The following NEBL variants were observed in gnomAD, a reference collection of about 807,000 sequenced individuals.
The protein encoded by NEBL is nebulette, also known as LIM and SH3 protein 2.
NEBL carries 122 observed loss-of-function variants against 140.2 expected under a neutral mutation model. The ratio of observed to expected loss-of-function variants is 0.87; its 90% confidence interval spans 0.75 to 1.01. The LOEUF (loss-of-function observed/expected upper bound fraction) is 1.01. NEBL is among the 50% of genes least tolerant of loss of function. The probability of loss-of-function intolerance (pLI) is 0.00; values close to 1 mark genes in which losing one functional copy is unlikely to be tolerated. For synonymous variants in NEBL, 436 were observed against 398.9 expected, an observed-to-expected ratio of 1.09 and a Z score of -1.11; for missense variants, 1,365 against 1,231.3, an observed-to-expected ratio of 1.11 and a Z score of -1.62.
intron 3 of NEBL, among the ~76,000 whole-genome samples, chr10:20,999,585 T>TGA (rs1427810588): frequency 1.3e-5 from 2 of 151,966 alleles, no homozygotes; most frequent in African/African-American, 4.8e-5. Flanking sequence ...GGCAACAGAG[T>TGA]GAGACCCTGT....
chr10:21,236,288 T>C (rs1842347694), intron 3 of NEBL, among the ~76,000 whole-genome samples: 1 of 152,128 alleles, frequency 6.6e-6, no homozygotes, highest in African/African-American at 2.4e-5. Context: ...TGTTGCTTCC[T>C]CATGTTTTGT....
chr10:20,845,581 G>C (rs1390744969), intron 11 of NEBL: 6 of 489,130 alleles, frequency 1.2e-5, no homozygotes, highest in African/African-American at 1.2e-4. Flanking sequence ...CTCTTCCTCT[G>C]GTAAATCATT....
At position 20,798,729 on chromosome 10, in the gene NEBL, C is replaced by T. The variant is rs190836398; in HGVS notation, c.2761+9781G>A. 1.6e-4 allele frequency among the ~76,000 whole-genome samples: 24 copies of T among 152,292 alleles called. No homozygotes were observed. In the East Asian group the frequency reaches 4.4e-3, roughly 28 times the overall value. ...CTCTTTCTCCAAATCAACTCAGCCTCACAGGAAATGTATTTTTAATGTTGT... is the reference window on the plus strand; with the variant it reads ...CTCTTTCTCCAAATCAACTCAGCCTTACAGGAAATGTATTTTTAATGTTGT... On this transcript the variant is annotated intron_variant, in intron 26 of 27. Coordinates refer to ENST00000377122, the MANE Select transcript of NEBL (RefSeq NM_006393.3).
chr10:21,237,699 C>A (rs576296601), intron 3 of NEBL, among the ~76,000 whole-genome samples: 1 of 151,988 alleles, frequency 6.6e-6, no homozygotes, highest in Non-Finnish European at 1.5e-5. Context: ...CTCCACCTCC[C>A]GGGTTCAAGA....
intron 3 of NEBL, among the ~76,000 whole-genome samples, chr10:21,181,556 C>A (rs2132205482): frequency 6.6e-6 from 1 of 152,212 alleles, no homozygotes. Flanking sequence ...AAAAACAACC[C>A]CCTCTGTAAT....
chr10:20,839,477 A>C (rs1588745054), intron 13 of NEBL, among the ~76,000 whole-genome samples: 1 of 152,128 alleles, frequency 6.6e-6, no homozygotes, highest in East Asian at 1.9e-4. Context: ...TTGGGAAATG[A>C]CCTCTAAGTT....
chr10:20,841,610 C>A (rs771269423), intron 12 of NEBL: 1 of 151,584 alleles, frequency 6.6e-6, no homozygotes, highest in East Asian at 1.9e-4. Flanking sequence ...CTATGGCTCA[C>A]GATGATGATG....
rs193168125 is a variant in NEBL, at chr10:20,788,103, A to G, written c.2762-795T>C. Among the ~76,000 whole-genome samples, 100 of 152,324 alleles carry G rather than the reference A, an allele frequency of 6.6e-4. 1 individual carries two copies. Among genetic ancestry groups the G allele is most frequent in the Admixed American group, 5.4e-3 (83 of 15,292 alleles). ...TGTTTTGAAGAACTCGGAATTCTAG[A>G]GAAGCCAACACAGAAGCTAGATTTT... On this transcript the variant is annotated intron_variant, in intron 26 of 27. Coordinates refer to ENST00000377122, the MANE Select transcript of NEBL (RefSeq NM_006393.3).
upstream of NEBL, among the ~76,000 whole-genome samples, chr10:21,178,432 T>C (rs1217407870): frequency 1.3e-5 from 2 of 152,130 alleles, no homozygotes; most frequent in Non-Finnish European, 2.9e-5. Context: ...CTAGATACCA[T>C]GGAAGAACAG....
chr10:20,819,358 G>C, intron 20 of NEBL, 66 bp downstream of exon 20: 1 of 1,609,988 alleles, frequency 6.2e-7, no homozygotes, highest in Middle Eastern at 1.7e-4. Context: ...GCCTTCCAAA[G>C]GGCATATTTT....
intron 3 of NEBL, among the ~76,000 whole-genome samples, chr10:20,990,216 T>C (rs1215192446): frequency 1.3e-5 from 2 of 152,210 alleles, no homozygotes; most frequent in Non-Finnish European, 2.9e-5. Context: ...CAATAAACTT[T>C]ATACAACTGC....
At chr10:20,842,492 G>T (rs981956609) in intron 12 of NEBL, among the ~76,000 whole-genome samples, 4 of 151,986 alleles carry the variant, frequency 2.6e-5, no homozygotes, top group African/African-American at 9.7e-5. Context: ...GAAGCTAAAT[G>T]CTTACACTTA....
chr10:21,086,420 T>C (rs1342378858), intron 2 of NEBL, among the ~76,000 whole-genome samples: 1 of 152,208 alleles, frequency 6.6e-6, no homozygotes, highest in African/African-American at 2.4e-5. Flanking sequence ...ATAAAAGTTA[T>C]TCTTTAAAAA....
chr10:21,220,167 C>T (rs1842047342), intron 3 of NEBL, among the ~76,000 whole-genome samples: 1 of 152,122 alleles, frequency 6.6e-6, no homozygotes, highest in Non-Finnish European at 1.5e-5. Context: ...CCCATCTTGG[C>T]CTCCCGAAGT....
intron 2 of NEBL, among the ~76,000 whole-genome samples, chr10:21,039,511 TTG>T (rs1834170521): frequency 1.3e-5 from 2 of 152,222 alleles, no homozygotes; most frequent in African/African-American, 4.8e-5. Context: ...GTCAGGTTTG[TTG>T]AAGATCAGAT....
At chr10:20,924,533 A>T (rs1833784202) in intron 4 of NEBL, among the ~76,000 whole-genome samples, 1 of 151,942 alleles carries the variant, frequency 6.6e-6, no homozygotes, top group Admixed American at 6.6e-5. Flanking sequence ...TAAAAAAAAA[A>T]AAAAATCCCA....
At chr10:20,807,282 T>C (rs1478770893) in intron 26 of NEBL, among the ~76,000 whole-genome samples, 2 of 152,156 alleles carry the variant, frequency 1.3e-5, no homozygotes, top group African/African-American at 4.8e-5. Context: ...GCTGAGATTG[T>C]GCCACTGCAC....
intron 25 of NEBL, 133 bp from the exon 26 acceptor site, chr10:20,808,792 A>G: frequency 1.1e-6 from 1 of 947,598 alleles, no homozygotes; most frequent in Admixed American, 1.9e-5. Context: ...TCTCAGCGCT[A>G]GGCACCTATT....
rs768312782 is a variant in NEBL at position 20,869,721 on chromosome 10, G to C, written c.582+19C>G. On this transcript the variant is annotated intron_variant, in intron 6 of 27. Coordinates refer to ENST00000377122, the MANE Select transcript of NEBL (RefSeq NM_006393.3). ...AAGTAAGAAATCATTTCCGTTCAAG[G>C]TTTAGAAAGAGAAGTTACATTGCTT... 1 of 1,541,276 alleles carries C rather than the reference G, an allele frequency of 6.5e-7. No homozygotes were observed. The highest frequency in any genetic ancestry group is 9.0e-7 in the Non-Finnish European group (1 of 1,113,788).
Sources: allele counts gnomAD v4.1 joint callset (sites outside exome capture counted in the v4.1 genomes callset), GRCh38; gene constraint gnomAD v4.1.1; transcripts MANE v1.5; gene names NCBI Gene and HGNC (gene_info 2026-07-23, HGNC 2026-07-21).